Variants in TLCD4 observed in about 807,000 individuals in gnomAD.
TLCD4 encodes the protein TLC domain containing 4.
TLCD4 carries 7 observed loss-of-function variants against 24.2 expected under a neutral mutation model. That is an observed-to-expected ratio of 0.29 (90% CI 0.16 to 0.54). TLCD4 has a LOEUF of 0.54. Ranked by LOEUF, TLCD4 falls within the 20% of genes least tolerant of loss-of-function variation. The pLI, the probability that TLCD4 is intolerant of heterozygous loss-of-function variation, is 0.95. For synonymous variants in TLCD4, 103 were observed against 106.4 expected, an observed-to-expected ratio of 0.97 and a Z score of 0.20; for missense variants, 259 against 313.9, an observed-to-expected ratio of 0.82 and a Z score of 1.32.
At chr1:95,132,116 A>G (rs529344312) in intron 1 of TLCD4, among the ~76,000 whole-genome samples, 1 of 152,334 alleles carries the variant, frequency 6.6e-6, no homozygotes, top group East Asian at 1.9e-4. Flanking sequence ...GAACTTCTCA[A>G]CTTGCAGAAT....
chr1:95,110,171 T>C, the TLCD4 span, among the ~76,000 whole-genome samples: 1 of 151,380 alleles, frequency 6.6e-6, no homozygotes, highest in South Asian at 2.1e-4. Context: ...AATCATATAA[T>C]ATAGAAATGA....
chr1:95,148,719 A>C lies in TLCD4; in HGVS notation c.173A>C (p.His58Pro). The C allele has an allele frequency of 6.2e-7, 1 of 1,613,716 alleles. No individual in the cohort carries two copies. The highest frequency in any genetic ancestry group is 8.5e-7 in the Non-Finnish European group (1 of 1,179,792). ...EWNSRVVSTCHSLVVGIFGLY... is the reference protein window; with the variant it reads ...EWNSRVVSTCPSLVVGIFGLY... ...AATTTCAGGGTAGTATCCACATGCCATTCTTTGGTGGTTGGTATTTTTGGC... is the reference window on the plus strand; with the variant it reads ...AATTTCAGGGTAGTATCCACATGCCCTTCTTTGGTGGTTGGTATTTTTGGC... Residue 58 changes from histidine (H) to proline (P), a missense_variant, in exon 3 of 7, where the codon CAT (histidine) becomes CCT (proline). By Grantham distance (77) the His-to-Pro change is moderately conservative. Transcript: ENST00000370203.
chr1:95,093,442 C>T, the TLCD4 span, among the ~76,000 whole-genome samples: 3 of 152,148 alleles, frequency 2.0e-5, no homozygotes, highest in Non-Finnish European at 4.4e-5. Context: ...TGTTATGGGT[C>T]ATCGGACTGT....
At chr1:95,122,363 A>G (rs1022705381) in intron 1 of TLCD4, among the ~76,000 whole-genome samples, 1 of 152,194 alleles carries the variant, frequency 6.6e-6, no homozygotes, top group Non-Finnish European at 1.5e-5. Flanking sequence ...TGTCTAAAAC[A>G]AAACAAACAA....
At chr1:95,129,074 T>C (rs1004389938) in intron 1 of TLCD4, among the ~76,000 whole-genome samples, 1 of 152,214 alleles carries the variant, frequency 6.6e-6, no homozygotes, top group African/African-American at 2.4e-5. Flanking sequence ...ATCTAATGTC[T>C]GTGGTTGTAA....
intron 1 of TLCD4, among the ~76,000 whole-genome samples, chr1:95,142,673 C>T (rs1015506347): frequency 3.9e-5 from 6 of 152,026 alleles, no homozygotes; most frequent in African/African-American, 1.2e-4. Flanking sequence ...CAATCTAGGC[C>T]GGTTGTGGTG....
At chr1:95,157,737 T>C (rs921108310) in intron 5 of TLCD4, among the ~76,000 whole-genome samples, 2 of 152,180 alleles carry the variant, frequency 1.3e-5, no homozygotes, top group Admixed American at 6.5e-5. Flanking sequence ...AGCCTCATAA[T>C]TGTGTTCTGA....
Position 95,151,385 on chromosome 1 carries a change from A to G in TLCD4, c.365A>G (p.His122Arg). 1.2e-6 allele frequency: 2 copies of G among 1,613,322 alleles called. No homozygotes were observed. The highest frequency in any genetic ancestry group is 1.7e-6 in the Non-Finnish European group (2 of 1,179,480). The change falls in exon 5 of 7, where the codon CAT becomes CGT. Residue 122 changes from histidine to arginine, a missense_variant. His to Arg is a conservative substitution (Grantham distance 29, BLOSUM62 0). Coordinates refer to ENST00000370203, the MANE Select transcript of TLCD4 (RefSeq NM_152487.3). The part of the protein sequence containing the change: ...VIGDKFFIMH[H>R]CASLYAYYLV... Reference sequence around the variant, plus strand: ...GGTGACAAATTTTTTATAATGCATCATTGTGCGTCCCTGTATGCATACTAC... The same window carrying G: ...GGTGACAAATTTTTTATAATGCATCGTTGTGCGTCCCTGTATGCATACTAC...
the TLCD4 span, among the ~76,000 whole-genome samples, chr1:95,102,110 G>A: frequency 5.9e-5 from 9 of 152,156 alleles, no homozygotes; most frequent in African/African-American, 2.2e-4. Flanking sequence ...GTTGCGGAGA[G>A]AGAGAGACAA....
chr1:95,185,391 G>C (rs2101016309), intron 6 of TLCD4, among the ~76,000 whole-genome samples: 1 of 152,352 alleles, frequency 6.6e-6, no homozygotes, highest in East Asian at 1.9e-4. Flanking sequence ...CTTGGGGTCA[G>C]AGTGGAAGGA....
At chr1:95,144,200 T>A in intron 2 of TLCD4, 144 bp downstream of exon 2, 1 of 1,072,566 alleles carries the variant, frequency 9.3e-7, no homozygotes, top group Non-Finnish European at 1.2e-6. Flanking sequence ...GAAAAACAAG[T>A]AGATGATCTC....
intron 5 of TLCD4, among the ~76,000 whole-genome samples, chr1:95,159,779 T>C (rs187436063): frequency 6.6e-6 from 1 of 152,234 alleles, no homozygotes. Context: ...TCCCCATTTC[T>C]TGTTTTTGTC....
intron 1 of TLCD4, among the ~76,000 whole-genome samples, chr1:95,139,181 A>AC (rs1442532722): frequency 1.4e-5 from 2 of 146,382 alleles, no homozygotes; most frequent in Non-Finnish European, 3.0e-5. Flanking sequence ...TGTCAAAAAA[A>AC]AAAAAAAAAA....
intron 5 of TLCD4, among the ~76,000 whole-genome samples, chr1:95,162,748 C>T (rs186584578): frequency 1.3e-3 from 194 of 152,238 alleles, no homozygotes; most frequent in Non-Finnish European, 1.9e-3. Context: ...TTTTATTTCT[C>T]CTTCACTTAT....
chr1:95,117,584 G>A lies in TLCD4; in HGVS notation c.-45G>A. The stretch of plus-strand genomic sequence containing the variant: ...CCTCTCCCGGCTCGGCGCAGCCGCC[G>A]CCCGCGCGCGACTCGCCCCGGGACC... On this transcript the variant is annotated 5_prime_UTR_variant, in exon 1 of 7. Transcript: ENST00000370203. 6.5e-6 allele frequency: 1 copy of A among 153,656 alleles called. No homozygotes were observed. Among genetic ancestry groups the A allele is most frequent in the Non-Finnish European group, 1.4e-5 (1 of 69,332 alleles). 9.5% of individuals were successfully genotyped at this position (153,656 alleles called of 1,614,324 possible). A position where few individuals can be genotyped will look rare whatever the true frequency, so the allele number is the denominator to read the frequency against.
intron 6 of TLCD4, among the ~76,000 whole-genome samples, chr1:95,183,164 G>A (rs560529064): frequency 6.6e-6 from 1 of 152,330 alleles, no homozygotes; most frequent in East Asian, 1.9e-4. Context: ...TGTGTGAATG[G>A]ACAGTGTAAT....
intron 1 of TLCD4, among the ~76,000 whole-genome samples, chr1:95,129,054 C>T (rs1358125112): frequency 1.3e-5 from 2 of 152,118 alleles, no homozygotes; most frequent in African/African-American, 4.8e-5. Context: ...AGGGGTTAGC[C>T]TCCTTCCTAA....
In TLCD4 at chr1:95,135,483, G is replaced by A. The variant is rs72722120; in HGVS notation, c.-11-8408G>A. Among the ~76,000 whole-genome samples, 1,113 of 147,412 alleles carry A rather than the reference G, an allele frequency of 7.6e-3. 7 individuals carry two copies. The highest frequency in any genetic ancestry group is 0.012 in the Non-Finnish European group (786 of 67,552). Reference sequence around the variant, plus strand: ...ATGATCTCAGCTTATTGCAACCTCCGTCTTTCAGGTTCAGGTGATTCTTGT... The same window carrying A: ...ATGATCTCAGCTTATTGCAACCTCCATCTTTCAGGTTCAGGTGATTCTTGT... On this transcript the variant is annotated intron_variant, in intron 1 of 6. Transcript: ENST00000370203.
intron 5 of TLCD4, 83 bp from the exon 6 acceptor site, chr1:95,173,733 G>A: frequency 1.3e-6 from 2 of 1,569,256 alleles, no homozygotes; most frequent in Non-Finnish European, 1.7e-6. Context: ...ATTATGCTGA[G>A]AAGCTATTGG....
Sources: allele counts gnomAD v4.1 joint callset (sites outside exome capture counted in the v4.1 genomes callset), GRCh38; gene constraint gnomAD v4.1.1; transcripts MANE v1.5; gene names NCBI Gene and HGNC (gene_info 2026-07-23, HGNC 2026-07-21).